Variants in GRIN2A observed in about 807,000 individuals in gnomAD.
The protein encoded by GRIN2A is glutamate receptor ionotropic, NMDA 2A.
GRIN2A carries 22 observed loss-of-function variants against 113.4 expected under a neutral mutation model. The ratio of observed to expected loss-of-function variants is 0.19; its 90% CI spans 0.14 to 0.28. The LOEUF (loss-of-function observed/expected upper bound fraction) is 0.28, where lower values mean the gene tolerates loss of function less well. Ranked by LOEUF, GRIN2A falls within the 10% of genes least tolerant of loss-of-function variation. The pLI is 1.00. For missense variants in GRIN2A, 1,502 were observed against 1,887.0 expected (o/e 0.80, Z 3.78); for synonymous variants, 827 against 738.4 (o/e 1.12, Z -1.94).
At chr16:9,870,162 A>G (rs2043231722) in intron 4 of GRIN2A, among the ~76,000 whole-genome samples, 1 of 152,132 alleles carries the variant, frequency 6.6e-6, no homozygotes, top group South Asian at 2.1e-4. Context: ...ACTTGGTGTT[A>G]TTTTCACTCT....
At chr16:10,122,074 A>G (rs1466716868) in intron 2 of GRIN2A, among the ~76,000 whole-genome samples, 1 of 152,206 alleles carries the variant, frequency 6.6e-6, no homozygotes, top group Non-Finnish European at 1.5e-5. Context: ...AAGTTTATTC[A>G]GCGCCCTTCT....
intron 11 of GRIN2A, among the ~76,000 whole-genome samples, chr16:9,784,583 G>C (rs1012267432): frequency 2.0e-5 from 3 of 151,960 alleles, no homozygotes; most frequent in African/African-American, 4.8e-5. Flanking sequence ...AGCCAAAATT[G>C]ACAAATGGGA....
At chr16:10,043,032 T>G (rs11074547) in intron 2 of GRIN2A, among the ~76,000 whole-genome samples, 49,234 of 152,054 alleles carry the variant, frequency 0.32, 8,455 homozygotes, top group East Asian at 0.53. Context: ...CATCGTATAA[T>G]CTACTTTGAG....
intron 2 of GRIN2A, among the ~76,000 whole-genome samples, chr16:10,056,892 G>A (rs750679000): frequency 1.3e-5 from 2 of 152,054 alleles, no homozygotes; most frequent in Non-Finnish European, 2.9e-5. Flanking sequence ...TTTGAGCCAC[G>A]AAGTTTGCAG....
At chr16:9,936,651 C>T (rs984314926) in intron 3 of GRIN2A, among the ~76,000 whole-genome samples, 3 of 152,064 alleles carry the variant, frequency 2.0e-5, no homozygotes, top group African/African-American at 4.8e-5. Context: ...CTTAAATGTT[C>T]GCCAAGATGG....
intron 2 of GRIN2A, among the ~76,000 whole-genome samples, chr16:9,947,182 G>T (rs144297370): frequency 5.7e-4 from 87 of 151,756 alleles, no homozygotes; most frequent in Non-Finnish European, 7.1e-4. Flanking sequence ...TTTTTCCTGG[G>T]ACACCCACCT....
At chr16:10,126,128 A>G (rs920734718) in intron 2 of GRIN2A, among the ~76,000 whole-genome samples, 2 of 151,680 alleles carry the variant, frequency 1.3e-5, no homozygotes, top group Non-Finnish European at 1.5e-5. Flanking sequence ...TCCCATCAAC[A>G]ACATTTTTGT....
At chr16:10,045,610 G>C (rs1203232337) in intron 2 of GRIN2A, among the ~76,000 whole-genome samples, 1 of 152,166 alleles carries the variant, frequency 6.6e-6, no homozygotes, top group Non-Finnish European at 1.5e-5. Flanking sequence ...TGCCAGACTG[G>C]GTCAGACCAA....
At chr16:9,884,066 C>A (rs1186843930) in intron 4 of GRIN2A, among the ~76,000 whole-genome samples, 1 of 152,138 alleles carries the variant, frequency 6.6e-6, no homozygotes, top group Non-Finnish European at 1.5e-5. Context: ...CAATATATAT[C>A]CCTTTTAAAG....
chr16:9,972,639 C>A (rs2045695185), intron 2 of GRIN2A, among the ~76,000 whole-genome samples: 1 of 152,146 alleles, frequency 6.6e-6, no homozygotes, highest in Non-Finnish European at 1.5e-5. Context: ...ATAGAACTAA[C>A]ATGAGAATGA....
chr16:10,016,892 G>C (rs1363727975), intron 2 of GRIN2A, among the ~76,000 whole-genome samples: 2 of 152,190 alleles, frequency 1.3e-5, no homozygotes, highest in Admixed American at 6.5e-5. Context: ...TGGCACAGAA[G>C]ACAAGCCTCC....
At position 10,180,721 on chromosome 16, in the gene GRIN2A, A is replaced by C; in HGVS notation, c.-18-292T>G. ...CTTCCCCATCCCCATCTCTGTCCAT[A>C]TCCCCCACCGCATTCCCCAAGTTCG... is the stretch of plus-strand genomic sequence containing the variant. On this transcript the variant is annotated intron_variant, in intron 1 of 12. Transcript: ENST00000330684. The surrounding 1 kb of genome is among the most constrained non-coding windows in gnomAD (Gnocchi z 7.0). 4 of 527,526 alleles carry C rather than the reference A, an allele frequency of 7.6e-6. No individual in the cohort carries two copies. The highest frequency in any genetic ancestry group is 3.2e-5 in the Admixed American group (1 of 31,066). 32.7% of individuals were successfully genotyped at this position (527,526 alleles called of 1,614,324 possible). A position where few individuals can be genotyped will look rare whatever the true frequency, so the allele number is the denominator to read the frequency against.
chr16:10,171,887 C>G (rs1462862849), intron 2 of GRIN2A, among the ~76,000 whole-genome samples: 1 of 152,106 alleles, frequency 6.6e-6, no homozygotes, highest in Non-Finnish European at 1.5e-5. Context: ...CATTGAGGCT[C>G]AAGATATTAA....
Position 10,025,294 on chromosome 16 carries a change from CTTTTTTTT to C in GRIN2A, c.415-86751_415-86744del, listed in dbSNP as rs58250644. On this transcript the variant is annotated intron_variant, in intron 2 of 12. Transcript: ENST00000330684. ...TGCCAGATCAGGGACGCAGCAGGGT[CTTTTTTTT>C]TTTTTTTTTTTTTTTTTTGAGATGG... Among the ~76,000 whole-genome samples the C allele has an allele frequency of 1.4e-4, 12 of 88,022 alleles. 1 individual carries two copies. Among genetic ancestry groups the C allele is most frequent in the Non-Finnish European group, 2.5e-4 (12 of 48,838 alleles). 57.7% of individuals were successfully genotyped at this position (88,022 alleles called of 152,430 possible).
chr16:9,828,994 CT>C (rs35450253), intron 9 of GRIN2A, among the ~76,000 whole-genome samples: 4 of 152,258 alleles, frequency 2.6e-5, no homozygotes, highest in Admixed American at 6.5e-5. Flanking sequence ...TTAAAGATGA[CT>C]TTTTTTCAGG....
At chr16:10,029,773 G>T (rs1013888952) in intron 2 of GRIN2A, among the ~76,000 whole-genome samples, 2 of 152,056 alleles carry the variant, frequency 1.3e-5, no homozygotes, top group Non-Finnish European at 2.9e-5. Flanking sequence ...AGGGGGTGTA[G>T]ATCACCTGAG....
chr16:9,869,787 A>C (rs2043223939), intron 4 of GRIN2A, among the ~76,000 whole-genome samples: 1 of 152,208 alleles, frequency 6.6e-6, no homozygotes, highest in African/African-American at 2.4e-5. Context: ...TAGGTGTTTT[A>C]TTATATACAG....
chr16:10,071,756 C>G (rs1332323512), intron 2 of GRIN2A, among the ~76,000 whole-genome samples: 2 of 152,150 alleles, frequency 1.3e-5, no homozygotes, highest in African/African-American at 4.8e-5. Context: ...AAGCACCAGC[C>G]CTGCCTGCCA....
chr16:9,936,693 T>C (rs1362175974), intron 3 of GRIN2A, among the ~76,000 whole-genome samples: 1 of 152,208 alleles, frequency 6.6e-6, no homozygotes, highest in Non-Finnish European at 1.5e-5. Context: ...TACATTCACA[T>C]AATGGAATAT....
Sources: gnomAD v4.1 joint callset for allele counts (sites outside exome capture counted in the v4.1 genomes callset) on GRCh38, gnomAD v4.1.1 for gene constraint, Gnocchi (gnomAD v3.1) non-coding constraint, MANE v1.5 for transcripts, NCBI Gene and HGNC (gene_info 2026-07-23, HGNC 2026-07-21) for gene names.